Variants in PCSK5 observed in about 807,000 individuals in gnomAD.
PCSK5 encodes the protein proprotein convertase subtilisin/kexin type 5.
In PCSK5, 129 loss-of-function variants were observed where a neutral mutation model predicts 233.2. That is an observed-to-expected ratio of 0.55 (90% CI 0.48 to 0.64). The LOEUF is 0.64. Among genes scored for constraint, PCSK5 ranks in the 30% least tolerant of loss-of-function variants. PCSK5 has a pLI of 0.00. For missense variants in PCSK5, 2,076 were observed against 2,430.1 expected (o/e 0.85, Z 3.06); for synonymous variants, 825 against 879.2 (o/e 0.94, Z 1.09).
chr9:75,930,791 T>G (rs1339535030), intron 1 of PCSK5, among the ~76,000 whole-genome samples: 1 of 152,208 alleles, frequency 6.6e-6, no homozygotes, highest in Non-Finnish European at 1.5e-5. Flanking sequence ...AACTCTAAGC[T>G]TCTTGGGATT....
chr9:76,073,710 C>T (rs1430648118), intron 7 of PCSK5, among the ~76,000 whole-genome samples: 1 of 126,716 alleles, frequency 7.9e-6, no homozygotes, highest in Non-Finnish European at 1.6e-5. Context: ...CACATAACCT[C>T]ATGAATGCGC....
intron 24 of PCSK5, among the ~76,000 whole-genome samples, chr9:76,283,365 C>T (rs10120362): frequency 0.13 from 19,911 of 152,124 alleles, 1,814 homozygotes; most frequent in African/African-American, 0.26. Flanking sequence ...CAGAAACCAC[C>T]ACCCTGATCA....
At chr9:76,016,887 A>G (rs375916652) in intron 3 of PCSK5, among the ~76,000 whole-genome samples, 100 of 152,206 alleles carry the variant, frequency 6.6e-4, no homozygotes, top group African/African-American at 2.1e-3. Flanking sequence ...ATTTTGGAAC[A>G]GGATTTATTC....
At chr9:76,158,380 T>C (rs1361111274) in intron 11 of PCSK5, among the ~76,000 whole-genome samples, 1 of 152,046 alleles carries the variant, frequency 6.6e-6, no homozygotes, top group Non-Finnish European at 1.5e-5. Context: ...GTCCCCAAGG[T>C]GGGAAACTTG....
At chr9:76,034,834 C>T (rs182834864) in intron 5 of PCSK5, among the ~76,000 whole-genome samples, 9 of 152,302 alleles carry the variant, frequency 5.9e-5, no homozygotes, top group African/African-American at 2.2e-4. Context: ...TCCATTTGTT[C>T]TTTCTTAGAA....
chr9:76,251,861 C>T (rs1385096515), intron 24 of PCSK5, among the ~76,000 whole-genome samples: 1 of 151,986 alleles, frequency 6.6e-6, no homozygotes, highest in Non-Finnish European at 1.5e-5. Context: ...CAGGACTTGA[C>T]CCTGAATAGC....
chr9:76,024,022 G>T, intron 4 of PCSK5, 141 bp downstream of exon 4: 1 of 615,386 alleles, frequency 1.6e-6, no homozygotes, highest in Non-Finnish European at 2.6e-6. Flanking sequence ...TCTGGTAAAA[G>T]ATGAGAATTC....
intron 24 of PCSK5, among the ~76,000 whole-genome samples, chr9:76,285,006 T>C (rs1828019188): frequency 6.6e-6 from 1 of 152,202 alleles, no homozygotes; most frequent in Non-Finnish European, 1.5e-5. Flanking sequence ...AATGTTATAT[T>C]TTCTAACATA....
At chr9:75,967,304 T>C (rs188686909) in intron 2 of PCSK5, among the ~76,000 whole-genome samples, 1 of 152,286 alleles carries the variant, frequency 6.6e-6, no homozygotes, top group Admixed American at 6.5e-5. Flanking sequence ...TGTCCATGAG[T>C]ACCCAATGTT....
chr9:76,210,536 C>T (rs1825291369), intron 20 of PCSK5, among the ~76,000 whole-genome samples: 1 of 152,260 alleles, frequency 6.6e-6, no homozygotes, highest in Non-Finnish European at 1.5e-5. Context: ...GAGTCTGCTA[C>T]AGTTTGTAAG....
intron 3 of PCSK5, among the ~76,000 whole-genome samples, chr9:75,993,073 A>T (rs1482260091): frequency 6.6e-6 from 1 of 152,126 alleles, no homozygotes; most frequent in African/African-American, 2.4e-5. Flanking sequence ...CTAATGATTT[A>T]TACTGTCATT....
intron 1 of PCSK5, among the ~76,000 whole-genome samples, chr9:75,927,109 T>A (rs2131269024): frequency 6.6e-6 from 1 of 152,284 alleles, no homozygotes; most frequent in Non-Finnish European, 1.5e-5. Flanking sequence ...TGCCCCACAA[T>A]CTCATTAAAA....
At chr9:76,075,271 TC>T (rs1399836455) in intron 7 of PCSK5, among the ~76,000 whole-genome samples, 2 of 151,964 alleles carry the variant, frequency 1.3e-5, no homozygotes, top group Non-Finnish European at 2.9e-5. Flanking sequence ...AACGTAGCCT[TC>T]CTGAGCTCTG....
chr9:76,208,164 C>G (rs1177370564), intron 20 of PCSK5, among the ~76,000 whole-genome samples: 1 of 152,154 alleles, frequency 6.6e-6, no homozygotes, highest in Non-Finnish European at 1.5e-5. Flanking sequence ...GGTCTCTCCT[C>G]TTGATACTGT....
In PCSK5 at chr9:76,159,050, C is replaced by CGCCAT; in HGVS notation, c.1500_1504dup (p.Val502AlafsTer27). The CGCCAT allele has an allele frequency of 6.2e-7, 1 of 1,614,160 alleles. No homozygotes were observed. The highest frequency in any genetic ancestry group is 8.5e-7 in the Non-Finnish European group (1 of 1,180,002). Reference sequence around the variant, plus strand: ...TTCAGGCTGCTCGGATAACCCCAACCGCCATGTCAACTACCTGGAGCACGT... The same window carrying CGCCAT: ...TTCAGGCTGCTCGGATAACCCCAACCGCCATGCCATGTCAACTACCTGGAGCACGT... On this transcript the variant is annotated frameshift_variant, in exon 12 of 38. Coordinates refer to ENST00000674117, the MANE Select transcript of PCSK5 (RefSeq NM_001372043.1). LOFTEE classifies it high-confidence loss of function.
At chr9:76,245,578 A>T (rs1481798246) in intron 24 of PCSK5, among the ~76,000 whole-genome samples, 1 of 152,196 alleles carries the variant, frequency 6.6e-6, no homozygotes, top group Non-Finnish European at 1.5e-5. Context: ...CAGGAAAAAA[A>T]GGCTTCTGCT....
intron 12 of PCSK5, among the ~76,000 whole-genome samples, chr9:76,165,661 C>T (rs1823056565): frequency 6.6e-6 from 1 of 152,106 alleles, no homozygotes; most frequent in Admixed American, 6.6e-5. Context: ...TCATCGAGCA[C>T]GTGATTATGA....
At chr9:75,977,734 C>G (rs1019912638) in intron 2 of PCSK5, among the ~76,000 whole-genome samples, 1 of 151,684 alleles carries the variant, frequency 6.6e-6, no homozygotes, top group Admixed American at 6.6e-5. Context: ...CCTCATCCCC[C>G]CAAGTAGCTG....
intron 7 of PCSK5, among the ~76,000 whole-genome samples, chr9:76,091,970 A>G (rs1205913790): frequency 6.6e-6 from 1 of 152,020 alleles, no homozygotes; most frequent in East Asian, 1.9e-4. Context: ...TGTCCTCTCA[A>G]CTCAGGACTC....
Sources: gnomAD v4.1 joint callset for allele counts (sites outside exome capture counted in the v4.1 genomes callset) on GRCh38, gnomAD v4.1.1 for gene constraint, MANE v1.5 for transcripts, NCBI Gene and HGNC (gene_info 2026-07-23, HGNC 2026-07-21) for gene names.